ATP2C2: variants seen among roughly 807,000 people sequenced by gnomAD.
The protein encoded by ATP2C2 is calcium-transporting ATPase type 2C member 2.
ATP2C2 carries 171 observed loss-of-function variants against 110.8 expected under a neutral mutation model. The ratio of observed to expected loss-of-function variants is 1.54; its 90% confidence interval spans 1.36 to 1.75. The LOEUF (loss-of-function observed/expected upper bound fraction) is 1.75. Among genes scored for constraint, ATP2C2 ranks in the 40% most tolerant of loss-of-function variants. The pLI, the probability that ATP2C2 is intolerant of heterozygous loss-of-function variation, is 0.00. For missense variants in ATP2C2, 1,963 were observed against 1,235.0 expected (o/e 1.59, Z -8.84); for synonymous variants, 804 against 508.4 (o/e 1.58, Z -7.82).
chr16:84,410,943 C>T (rs1341594524), intron 6 of ATP2C2, 178 bp downstream of exon 6: 6 of 643,634 alleles, frequency 9.3e-6, no homozygotes, highest in African/African-American at 1.8e-5. Flanking sequence ...TGTCCTCGGG[C>T]ATGTCACTCA....
At chr16:84,421,324 G>T (rs1387322882) in intron 7 of ATP2C2, among the ~76,000 whole-genome samples, 1 of 152,254 alleles carries the variant, frequency 6.6e-6, no homozygotes, top group Non-Finnish European at 1.5e-5. Flanking sequence ...GGGGAGACGG[G>T]CATTACCTGG....
chr16:84,412,307 T>C (rs1010493059), intron 6 of ATP2C2, among the ~76,000 whole-genome samples: 4 of 139,730 alleles, frequency 2.9e-5, no homozygotes, highest in Admixed American at 7.2e-5. Flanking sequence ...TGTGTGAGCA[T>C]GTCTGCACGT....
intron 1 of ATP2C2, among the ~76,000 whole-genome samples, chr16:84,387,327 G>C (rs2048983925): frequency 6.6e-6 from 1 of 152,070 alleles, no homozygotes; most frequent in Non-Finnish European, 1.5e-5. Flanking sequence ...TTCAAGACCA[G>C]CCTGACCAAC....
chr16:84,428,643 A>G (rs1359631929), intron 11 of ATP2C2, among the ~76,000 whole-genome samples: 1 of 152,338 alleles, frequency 6.6e-6, no homozygotes, highest in Non-Finnish European at 1.5e-5. Context: ...AATGACAGAC[A>G]CTTGGAAAAC....
intron 10 of ATP2C2, among the ~76,000 whole-genome samples, chr16:84,424,575 G>GTTTTTTTTTTTTT (rs1428381141): frequency 1.7e-5 from 1 of 59,324 alleles, no homozygotes; most frequent in African/African-American, 9.2e-5. Context: ...ACCGCACTGG[G>GTTTTTTTTTTTTT]CTTTTTTTTT....
chr16:84,412,044 C>G (rs1374268329), intron 6 of ATP2C2, among the ~76,000 whole-genome samples: 3 of 149,010 alleles, frequency 2.0e-5, no homozygotes, highest in Non-Finnish European at 4.4e-5. Flanking sequence ...GGGTCTGGCT[C>G]TGTTGCCTAG....
Position 84,463,841 on chromosome 16 carries a change from T to G in ATP2C2, c.*109T>G. The G allele has an allele frequency of 1.0e-6, 1 of 973,604 alleles. No homozygotes were observed. The highest frequency in any genetic ancestry group is 1.6e-5 in the African/African-American group (1 of 61,438). The allele number at this position is 973,604 out of a possible 1,614,324, so 60.3% of individuals were successfully genotyped here. A position where few individuals can be genotyped will look rare whatever the true frequency, so the allele number is the denominator to read the frequency against. ...ACTTTTAGGAGGCCGCAGCCTTCCA[T>G]CACCGGATCAGTTTTTCCTCTTAGG... On this transcript the variant is annotated 3_prime_UTR_variant, in exon 27 of 27. Transcript: ENST00000262429.
chr16:84,463,776 TTGTGACTGTG>T lies in ATP2C2; in HGVS notation c.*45_*54del. 6.5e-7 allele frequency: 1 copy of T among 1,530,462 alleles called. No homozygotes were observed. 94.8% of individuals were successfully genotyped at this position (1,530,462 alleles called of 1,614,324 possible). ...ACCTTCCCTAATCATCTCGATCTGG[TTGTGACTGTG>T]GCCCCTGCCGTGTCTCCTCGTCAGG... On this transcript the variant is annotated 3_prime_UTR_variant, in exon 27 of 27. Transcript: ENST00000262429.
At chr16:84,428,953 G>A (rs55769554) in intron 11 of ATP2C2, among the ~76,000 whole-genome samples, 56,532 of 151,814 alleles carry the variant, frequency 0.37, 10,642 homozygotes, top group South Asian at 0.4. Flanking sequence ...TTGCTGGGTT[G>A]CAGCCCTTTT....
At chr16:84,414,213 A>C (rs558592707) in intron 6 of ATP2C2, among the ~76,000 whole-genome samples, 1 of 152,180 alleles carries the variant, frequency 6.6e-6, no homozygotes, top group Non-Finnish European at 1.5e-5. Flanking sequence ...TCTTGGCTAC[A>C]AGGAACAGAA....
rs866239155 is a variant in ATP2C2, at chr16:84,381,888, C to G, written c.99+13174C>G. 9.8e-5 allele frequency among the ~76,000 whole-genome samples: 15 copies of G among 152,298 alleles called. No homozygotes were observed. In the South Asian group the frequency reaches 2.9e-3, roughly 29 times the overall value. On this transcript the variant is annotated intron_variant, in intron 1 of 26. Coordinates refer to ENST00000262429, the MANE Select transcript of ATP2C2 (RefSeq NM_014861.4). ...GGCTTAGAAAATGAAGTAACTTGCC[C>G]AGGGTCACACAGCTCTTCATGGAAT...
At chr16:84,402,313 T>C (rs1905378208) in intron 2 of ATP2C2, among the ~76,000 whole-genome samples, 1 of 152,250 alleles carries the variant, frequency 6.6e-6, no homozygotes, top group African/African-American at 2.4e-5. Flanking sequence ...GCCCTTTATT[T>C]TTTACTCTTG....
chr16:84,425,789 C>T lies in ATP2C2; in HGVS notation c.974C>T (p.Thr325Met), dbSNP rs370823582. ...GGGAAACAACTCCTGAGTATGTTCACGATCGGGGTCAGGTAAGAGTGCTAT... is the reference window on the plus strand; with the variant it reads ...GGGAAACAACTCCTGAGTATGTTCATGATCGGGGTCAGGTAAGAGTGCTAT... Reference protein sequence around the residue: ...SQGKQLLSMFTIGVSLAVAAI... With the variant: ...SQGKQLLSMFMIGVSLAVAAI... Residue 325 changes from threonine to methionine, a missense_variant, in exon 11 of 27, where the codon ACG becomes ATG. By Grantham distance (81) the Thr-to-Met change is moderately conservative. Coordinates refer to ENST00000262429, the MANE Select transcript of ATP2C2 (RefSeq NM_014861.4). The T allele has an allele frequency of 8.1e-6, 13 of 1,613,982 alleles. No homozygotes were observed. Among genetic ancestry groups the T allele is most frequent in the African/African-American group, 1.3e-5 (1 of 74,894 alleles).
At chr16:84,461,846 C>G in intron 25 of ATP2C2, 34 bp downstream of exon 25, 1 of 1,609,316 alleles carries the variant, frequency 6.2e-7, no homozygotes, top group Non-Finnish European at 8.5e-7. Flanking sequence ...CGCTGCAGAG[C>G]TGCTGTGTGT....
Position 84,405,184 on chromosome 16 carries a change from T to C in ATP2C2, c.267T>C (p.His89=), listed in dbSNP as rs1905651844. Residue 89 remains histidine (H), a synonymous_variant, in exon 3 of 27, where the codon CAT becomes CAC. Coordinates refer to ENST00000262429, the MANE Select transcript of ATP2C2 (RefSeq NM_014861.4). ...EFSVTQRRLA[H]GWNEFVADNS... The stretch of plus-strand genomic sequence containing the variant: ...CGGTGACGCAGCGCCGGCTGGCCCA[T>C]GGCTGGAATGAGTTTGTTGCTGACA... 1.2e-6 allele frequency: 2 copies of C among 1,614,036 alleles called. No homozygotes were observed. The highest frequency in any genetic ancestry group is 1.7e-6 in the Non-Finnish European group (2 of 1,180,038).
At chr16:84,447,871 T>C (rs1909902054) in intron 16 of ATP2C2, among the ~76,000 whole-genome samples, 1 of 141,488 alleles carries the variant, frequency 7.1e-6, no homozygotes, top group South Asian at 2.2e-4. Context: ...AACATTAATA[T>C]GTTAATTACA....
Position 84,463,974 on chromosome 16 carries a change from G to A in ATP2C2, c.*242G>A, listed in dbSNP as rs2241633. 77,201 of 438,028 alleles carry A rather than the reference G, an allele frequency of 0.18. 10,248 individuals carry two copies. The highest frequency in any genetic ancestry group is 0.58 in the East Asian group (15,695 of 26,934). The allele number at this position is 438,028 out of a possible 1,614,324, so 27.1% of individuals were successfully genotyped here. A position where few individuals can be genotyped will look rare whatever the true frequency, so the allele number is the denominator to read the frequency against. On this transcript the variant is annotated 3_prime_UTR_variant, in exon 27 of 27. Coordinates refer to ENST00000262429, the MANE Select transcript of ATP2C2 (RefSeq NM_014861.4). The stretch of plus-strand genomic sequence containing the variant: ...GGGGCCTGTACAGAAACACCACACT[G>A]TTTATTAAATCACAATGATTTTTAT...
chr16:84,371,974 G>A (rs1909981119), intron 1 of ATP2C2, among the ~76,000 whole-genome samples: 1 of 152,228 alleles, frequency 6.6e-6, no homozygotes, highest in African/African-American at 2.4e-5. Context: ...ATGCCAACGT[G>A]TCAGAGCTGG....
intron 1 of ATP2C2, among the ~76,000 whole-genome samples, chr16:84,395,064 C>A (rs1240729424): frequency 6.6e-6 from 1 of 152,098 alleles, no homozygotes; most frequent in Non-Finnish European, 1.5e-5. Context: ...GGATGGGCAT[C>A]GGGCAGTGTC....
Sources: allele counts gnomAD v4.1 joint callset (sites outside exome capture counted in the v4.1 genomes callset), GRCh38; gene constraint gnomAD v4.1.1; transcripts MANE v1.5; gene names NCBI Gene and HGNC (gene_info 2026-07-23, HGNC 2026-07-21).